Variants in PTPRZ1 observed in about 807,000 individuals in gnomAD.
The protein encoded by PTPRZ1 is receptor-type tyrosine-protein phosphatase zeta.
In PTPRZ1, 82 loss-of-function variants were observed where a neutral mutation model predicts 214.1. That is an observed-to-expected ratio of 0.38 (90% CI 0.32 to 0.46). The LOEUF (loss-of-function observed/expected upper bound fraction) is 0.46. PTPRZ1 is among the 20% of genes least tolerant of loss of function. The pLI is 1.00. For missense variants in PTPRZ1, 2,603 were observed against 2,748.7 expected (o/e 0.95, Z 1.19); for synonymous variants, 945 against 987.9 (o/e 0.96, Z 0.81).
At chr7:121,993,594 A>AC (rs1798040417) in intron 8 of PTPRZ1, among the ~76,000 whole-genome samples, 1 of 136,370 alleles carries the variant, frequency 7.3e-6, no homozygotes, top group South Asian at 2.3e-4. Context: ...AAAAAAAAAA[A>AC]CACAAAACAA....
rs1355253188 is a variant in PTPRZ1 at position 121,997,918 on chromosome 7, T to C, written c.1152T>C (p.Tyr384=). The change falls in exon 10 of 30, where the codon TAT becomes TAC. Residue 384 remains tyrosine, a synonymous_variant. Transcript: ENST00000393386. ...ATAATTTGCTACCCAATATGAGTTA[T>C]GTTCTTCAGATAGTAGCCATATGCA... The part of the protein sequence containing the change: ...ILNNLLPNMS[Y]VLQIVAICTN... The C allele has an allele frequency of 2.5e-6, 4 of 1,610,732 alleles. No individual in the cohort carries two copies. The highest frequency in any genetic ancestry group is 1.3e-5 in the African/African-American group (1 of 74,946).
chr7:121,960,942 AT>A (rs151193663), intron 2 of PTPRZ1, among the ~76,000 whole-genome samples: 550 of 145,076 alleles, frequency 3.8e-3, no homozygotes, highest in Admixed American at 4.8e-3. Flanking sequence ...TCACTGAAGC[AT>A]TTTTTTTTTT....
chr7:121,966,553 A>T (rs1052352802), intron 2 of PTPRZ1, among the ~76,000 whole-genome samples: 1 of 152,198 alleles, frequency 6.6e-6, no homozygotes, highest in African/African-American at 2.4e-5. Context: ...CACTGTGCAT[A>T]TTTAAAACAC....
chr7:121,964,959 G>A (rs1298947773), intron 2 of PTPRZ1, among the ~76,000 whole-genome samples: 2 of 152,134 alleles, frequency 1.3e-5, no homozygotes, highest in Admixed American at 6.5e-5. Context: ...GACATGAGCG[G>A]GGACATCATA....
intron 17 of PTPRZ1, among the ~76,000 whole-genome samples, chr7:122,035,315 T>A (rs945678244): frequency 6.6e-6 from 1 of 152,186 alleles, no homozygotes; most frequent in African/African-American, 2.4e-5. Flanking sequence ...TAATTTTTAT[T>A]TTTTAGTAGA....
chr7:121,989,269 T>C (rs532641208), intron 8 of PTPRZ1, among the ~76,000 whole-genome samples: 1 of 152,342 alleles, frequency 6.6e-6, no homozygotes, highest in Admixed American at 6.5e-5. Context: ...ATTAGTTGTT[T>C]CTTTCTTCAC....
chr7:121,892,365 C>G (rs1794659281), intron 1 of PTPRZ1, among the ~76,000 whole-genome samples: 2 of 151,940 alleles, frequency 1.3e-5, no homozygotes, highest in Admixed American at 6.6e-5. Context: ...CTCAAGGTCA[C>G]TTCTTTTATG....
chr7:121,980,238 T>C (rs1797564588), intron 6 of PTPRZ1, among the ~76,000 whole-genome samples: 1 of 152,188 alleles, frequency 6.6e-6, no homozygotes, highest in African/African-American at 2.4e-5. Context: ...CTAATTAGTA[T>C]TCTCAACACA....
chr7:121,984,003 T>A lies in PTPRZ1; in HGVS notation c.814T>A (p.Ser272Thr), dbSNP rs372264166. Reference sequence around the variant, plus strand: ...TTGTGAAGTTCTTACAATGCAACAATCTGGTTATGTCATGCTGATGGACTA... The same window carrying A: ...TTGTGAAGTTCTTACAATGCAACAAACTGGTTATGTCATGCTGATGGACTA... ...VFCEVLTMQQSGYVMLMDYLQ... is the reference protein window; with the variant it reads ...VFCEVLTMQQTGYVMLMDYLQ... The change falls in exon 8 of 30, where the codon TCT (serine) becomes ACT (threonine). Residue 272 changes from serine (S) to threonine (T), a missense_variant. This residue lies in a region of PTPRZ1 where 244 missense variants were observed against 333.2 expected (regional missense o/e 0.73). Transcript: ENST00000393386. 4.3e-6 allele frequency: 7 copies of A among 1,613,430 alleles called. No individual in the cohort carries two copies. Among genetic ancestry groups the A allele is most frequent in the African/African-American group, 2.7e-5 (2 of 74,890 alleles).
chr7:121,972,492 A>T, intron 3 of PTPRZ1, 49 bp from the exon 4 acceptor site: 1 of 1,484,094 alleles, frequency 6.7e-7, no homozygotes, highest in Non-Finnish European at 9.1e-7. Context: ...GTTGAAATTT[A>T]AAATTTTGAT....
intron 2 of PTPRZ1, among the ~76,000 whole-genome samples, chr7:121,949,594 G>A (rs1242054546): frequency 1.3e-5 from 2 of 152,140 alleles, no homozygotes; most frequent in East Asian, 3.9e-4. Context: ...CTTGACATAT[G>A]AGGAGCAGTT....
At chr7:121,907,226 G>A (rs1795143274) in intron 1 of PTPRZ1, among the ~76,000 whole-genome samples, 1 of 152,016 alleles carries the variant, frequency 6.6e-6, no homozygotes, top group African/African-American at 2.4e-5. Flanking sequence ...TATTAAATAT[G>A]TAGTGACAAG....
chr7:122,011,874 C>T lies in PTPRZ1; in HGVS notation c.2828C>T (p.Ser943Phe). Residue 943 changes from serine to phenylalanine, a missense_variant, in exon 12 of 30, where the codon TCT (serine) becomes TTT (phenylalanine). By Grantham distance (155) the Ser-to-Phe change is radical. Around this residue, in one of 6 missense-constraint regions of PTPRZ1, gnomAD observed 1,913 missense variants for 1,914.3 expected, o/e 1.00. Transcript: ENST00000393386. ...NEGSQHIFTV[S>F]YSSAIPVHDS... is the part of the protein sequence containing the mutation. ...GGCTCCCAACACATCTTCACTGTTT[C>T]TTACAGTTCTGCAATACCTGTGCAT... The T allele has an allele frequency of 6.2e-7, 1 of 1,614,044 alleles. No individual in the cohort carries two copies. The highest frequency in any genetic ancestry group is 8.5e-7 in the Non-Finnish European group (1 of 1,179,884).
chr7:121,879,738 T>A lies in PTPRZ1; in HGVS notation c.58+6181T>A, dbSNP rs911886903. 3.3e-5 allele frequency among the ~76,000 whole-genome samples: 5 copies of A among 152,084 alleles called. No homozygotes were observed. In the East Asian group the frequency reaches 9.6e-4, roughly 29 times the overall value. On this transcript the variant is annotated intron_variant, in intron 1 of 29. Transcript: ENST00000393386. Reference sequence around the variant, plus strand: ...AGGAGATGATCTTTTGTTAGGATATTTGCTTTATTTTCTTCTCAACTACCT... The same window carrying A: ...AGGAGATGATCTTTTGTTAGGATATATGCTTTATTTTCTTCTCAACTACCT...
intron 12 of PTPRZ1, among the ~76,000 whole-genome samples, chr7:122,016,356 ACT>A (rs1208932253): frequency 1.8e-4 from 28 of 152,080 alleles, no homozygotes; most frequent in East Asian, 1.2e-3. Context: ...AATTTAGGTA[ACT>A]CATATATACT....
intron 10 of PTPRZ1, among the ~76,000 whole-genome samples, chr7:121,999,483 T>A (rs895665029): frequency 3.3e-5 from 5 of 152,132 alleles, no homozygotes; most frequent in Admixed American, 6.5e-5. Context: ...ATATGTGAAT[T>A]GATTGAAATA....
chr7:121,885,881 G>A (rs1404889859), intron 1 of PTPRZ1, among the ~76,000 whole-genome samples: 1 of 152,114 alleles, frequency 6.6e-6, no homozygotes, highest in Admixed American at 6.5e-5. Flanking sequence ...TAGACTTGAT[G>A]GCATTCAGGC....
At chr7:121,932,711 AT>A (rs1249703374) in intron 2 of PTPRZ1, among the ~76,000 whole-genome samples, 2 of 152,196 alleles carry the variant, frequency 1.3e-5, no homozygotes, top group Non-Finnish European at 2.9e-5. Context: ...CACATCAAAC[AT>A]TATTTAAATG....
Position 122,011,142 on chromosome 7 carries a change from T to C in PTPRZ1, c.2096T>C (p.Met699Thr). Reference protein sequence around the residue: ...TTKSFSAGPVMSQGPSVTDLE... With the variant: ...TTKSFSAGPVTSQGPSVTDLE... ...AAGTCCTTTTCTGCAGGCCCAGTGA[T>C]GTCACAGGGTCCCTCAGTTACAGAT... Residue 699 changes from methionine (M) to threonine (T), a missense_variant, in exon 12 of 30, where the codon ATG becomes ACG. This residue lies in a region of PTPRZ1 where 1,913 missense variants were observed against 1,914.3 expected (regional missense o/e 1.00). Transcript: ENST00000393386. 6.2e-7 allele frequency: 1 copy of C among 1,614,056 alleles called. No homozygotes were observed. The highest frequency in any genetic ancestry group is 1.7e-5 in the Admixed American group (1 of 60,002).
Sources: gnomAD v4.1 joint callset for allele counts (sites outside exome capture counted in the v4.1 genomes callset) on GRCh38, gnomAD v4.1.1 for gene constraint, gnomAD v4.1.1 regional missense constraint, MANE v1.5 for transcripts, NCBI Gene and HGNC (gene_info 2026-07-23, HGNC 2026-07-21) for gene names.